Variants in GGNBP2 observed in about 807,000 individuals in gnomAD.
The protein encoded by GGNBP2 is gametogenetin-binding protein 2.
Under a neutral mutation model 85.9 loss-of-function variants are expected in GGNBP2, and 10 were observed. The ratio of observed to expected loss-of-function variants is 0.12; its 90% CI spans 0.07 to 0.20. GGNBP2 has a LOEUF of 0.20. GGNBP2 is among the 10% of genes least tolerant of loss of function. The pLI is 1.00. For missense variants in GGNBP2, 595 were observed against 857.8 expected (o/e 0.69, Z 3.83); for synonymous variants, 287 against 285.7 (o/e 1.00, Z -0.05).
chr17:36,560,035 T>C (rs1227362486), intron 4 of GGNBP2, among the ~76,000 whole-genome samples: 1 of 152,052 alleles, frequency 6.6e-6, no homozygotes. Context: ...ATAGAGTTTC[T>C]CCATGTTGGC....
chr17:36,575,628 ATATATATATATATATATATAT>A (rs1473237083), intron 6 of GGNBP2, among the ~76,000 whole-genome samples: 2 of 40,990 alleles, frequency 4.9e-5, no homozygotes, highest in African/African-American at 2.2e-4. Flanking sequence ...ATATATATAT[ATATATATATATATATATATAT>A]TTTTTTTTTT....
chr17:36,576,659 G>GTA (rs1249359830), intron 6 of GGNBP2: 8 of 121,228 alleles, frequency 6.6e-5, no homozygotes, highest in African/African-American at 2.3e-4. Flanking sequence ...GTATATATAT[G>GTA]TATATATATG....
At chr17:36,547,698 A>C (rs1029626487) in intron 2 of GGNBP2, 4 of 152,210 alleles carry the variant, frequency 2.6e-5, no homozygotes, top group African/African-American at 9.7e-5. Flanking sequence ...TTTTGCTTTT[A>C]TTGTACTGTG....
At position 36,545,675 on chromosome 17, in the gene GGNBP2, G is replaced by A. The variant is rs2074245310; in HGVS notation, c.-50G>A. The stretch of plus-strand genomic sequence containing the variant: ...GGCAGAAACAGCAGCGGCGGCGGCG[G>A]CGGCAGCTGGGAGGAGGTGGTGACG... On this transcript the variant is annotated 5_prime_UTR_variant, in exon 2 of 14. Coordinates refer to ENST00000613102, the MANE Select transcript of GGNBP2 (RefSeq NM_024835.5). 7.1e-6 allele frequency: 10 copies of A among 1,410,684 alleles called. No homozygotes were observed. Among genetic ancestry groups the A allele is most frequent in the Non-Finnish European group, 8.8e-6 (9 of 1,020,768 alleles). 87.4% of individuals were successfully genotyped at this position (1,410,684 alleles called of 1,614,324 possible). A position where few individuals can be genotyped will look rare whatever the true frequency, so the allele number is the denominator to read the frequency against.
intron 2 of GGNBP2, among the ~76,000 whole-genome samples, chr17:36,549,060 A>G (rs1187449154): frequency 6.6e-6 from 1 of 152,248 alleles, no homozygotes; most frequent in African/African-American, 2.4e-5. Flanking sequence ...ATGTAGGTGT[A>G]CTTGAGAAAA....
intron 9 of GGNBP2, among the ~76,000 whole-genome samples, chr17:36,583,576 A>G (rs1306939412): frequency 6.6e-6 from 1 of 152,110 alleles, no homozygotes; most frequent in East Asian, 1.9e-4. Context: ...TTTGTGCCTC[A>G]GCCTCCCAAG....
At chr17:36,546,109 A>T in intron 2 of GGNBP2, 1 of 441,726 alleles carries the variant, frequency 2.3e-6, no homozygotes, top group Non-Finnish European at 4.0e-6. Flanking sequence ...GTCAAAGCAC[A>T]CATCTCAGAG....
chr17:36,567,920 G>T, intron 6 of GGNBP2, 144 bp downstream of exon 6: 1 of 474,790 alleles, frequency 2.1e-6, no homozygotes. Context: ...TAATATTAGA[G>T]TAGGCAGTTC....
intron 2 of GGNBP2, chr17:36,546,247 TAGCTCTCACCAC>T (rs1450694785): frequency 1.6e-5 from 5 of 311,970 alleles, no homozygotes; most frequent in Non-Finnish European, 2.9e-5. Flanking sequence ...TTAATACTGG[TAGCTCTCACCAC>T]ATAAGCTTAA....
At chr17:36,583,144 C>T (rs1361862157) in intron 9 of GGNBP2, among the ~76,000 whole-genome samples, 2 of 152,064 alleles carry the variant, frequency 1.3e-5, no homozygotes, top group Non-Finnish European at 2.9e-5. Flanking sequence ...ACCTCCGCCT[C>T]TCGGGTTCAA....
intron 9 of GGNBP2, 117 bp downstream of exon 9, chr17:36,581,655 G>T: frequency 1.6e-6 from 1 of 624,412 alleles, no homozygotes; most frequent in South Asian, 2.6e-5. Flanking sequence ...CCAGGGTGGA[G>T]GTATCACTTG....
Position 36,566,960 on chromosome 17 carries a change from G to T in GGNBP2, c.528-703G>T, listed in dbSNP as rs1388175756. 5.3e-5 allele frequency among the ~76,000 whole-genome samples: 8 copies of T among 151,956 alleles called. No homozygotes were observed. In the South Asian group the frequency reaches 1.5e-3, roughly 28 times the overall value. On this transcript the variant is annotated intron_variant, in intron 5 of 13. Transcript: ENST00000613102. ...GTGGGAGAATGGCTTGAGGTCAGGG[G>T]TTTGAGGCCAGGCTGGGCAACATAG...
At chr17:36,552,992 A>T (rs1041868185) in intron 2 of GGNBP2, among the ~76,000 whole-genome samples, 1 of 143,056 alleles carries the variant, frequency 7.0e-6, no homozygotes, top group Middle Eastern at 3.9e-3. Context: ...ACTGCACTCC[A>T]GCCTGGGTGA....
chr17:36,564,916 T>G (rs1215369499), intron 5 of GGNBP2, among the ~76,000 whole-genome samples: 1 of 152,198 alleles, frequency 6.6e-6, no homozygotes, highest in East Asian at 1.9e-4. Context: ...ATTGTCTGTC[T>G]GGGAGTAAGT....
intron 2 of GGNBP2, among the ~76,000 whole-genome samples, chr17:36,550,486 A>G (rs1001055435): frequency 6.6e-6 from 1 of 152,214 alleles, no homozygotes; most frequent in Non-Finnish European, 1.5e-5. Context: ...TTCAACTTTT[A>G]ACAGTTAATT....
At chr17:36,570,419 G>C (rs2142745424) in intron 6 of GGNBP2, among the ~76,000 whole-genome samples, 1 of 152,328 alleles carries the variant, frequency 6.6e-6, no homozygotes, top group African/African-American at 2.4e-5. Context: ...AAAATTAGCA[G>C]CTGGGTGCAG....
intron 4 of GGNBP2, 28 bp from the exon 5 acceptor site, chr17:36,560,745 A>G (rs1189103624): frequency 1.7e-5 from 20 of 1,185,010 alleles, no homozygotes; most frequent in Non-Finnish European, 2.2e-5. Context: ...AATGAATTAA[A>G]CCCTTAATAT....
At chr17:36,553,677 C>T (rs1047400572) in intron 2 of GGNBP2, among the ~76,000 whole-genome samples, 1 of 152,090 alleles carries the variant, frequency 6.6e-6, no homozygotes, top group Non-Finnish European at 1.5e-5. Flanking sequence ...TGTCCTAGTA[C>T]GATATGTTTG....
At chr17:36,546,793 ATTC>A (rs2074259545) in intron 2 of GGNBP2, 1 of 152,186 alleles carries the variant, frequency 6.6e-6, no homozygotes, top group Non-Finnish European at 1.5e-5. Flanking sequence ...TCTCATCAGT[ATTC>A]TTTTGCTATC....
Sources: gnomAD v4.1 joint callset for allele counts (sites outside exome capture counted in the v4.1 genomes callset) on GRCh38, gnomAD v4.1.1 for gene constraint, MANE v1.5 for transcripts, NCBI Gene and HGNC (gene_info 2026-07-23, HGNC 2026-07-21) for gene names.